The following SPHKAP variants were observed in gnomAD, a reference collection of about 807,000 sequenced individuals.
SPHKAP encodes A-kinase anchor protein SPHKAP.
SPHKAP carries 67 observed loss-of-function variants against 137.5 expected under a neutral mutation model. That is an observed-to-expected ratio of 0.49 (90% CI 0.40 to 0.60). SPHKAP has a LOEUF of 0.60. SPHKAP is among the 20% of genes least tolerant of loss of function. The probability of loss-of-function intolerance (pLI) is 0.00; values close to 1 mark genes in which losing one functional copy is unlikely to be tolerated. For missense variants in SPHKAP, 2,097 were observed against 2,069.3 expected (o/e 1.01, Z -0.26); for synonymous variants, 813 against 785.3 (o/e 1.04, Z -0.59).
intron 7 of SPHKAP, among the ~76,000 whole-genome samples, chr2:228,010,053 C>T (rs562286498): frequency 2.4e-4 from 36 of 152,250 alleles, no homozygotes; most frequent in African/African-American, 7.5e-4. Context: ...GTCTCCTCAC[C>T]TCATTGTGCC....
At chr2:228,176,936 A>T (rs553537493) in intron 1 of SPHKAP, among the ~76,000 whole-genome samples, 1 of 152,178 alleles carries the variant, frequency 6.6e-6, no homozygotes, top group East Asian at 1.9e-4. Flanking sequence ...ACAATACATC[A>T]CTGTTTCCTC....
chr2:228,002,558 G>A (rs1359562553), intron 7 of SPHKAP, among the ~76,000 whole-genome samples: 1 of 152,170 alleles, frequency 6.6e-6, no homozygotes, highest in Non-Finnish European at 1.5e-5. Flanking sequence ...CTGTGCAGAA[G>A]CTCTTTAGTT....
intron 3 of SPHKAP, among the ~76,000 whole-genome samples, chr2:228,082,788 C>T (rs555200601): frequency 5.3e-5 from 8 of 152,284 alleles, no homozygotes; most frequent in African/African-American, 1.9e-4. Flanking sequence ...ATACTCTTTA[C>T]CCCTCAGAGA....
chr2:228,157,098 C>T (rs1345797648), intron 1 of SPHKAP, among the ~76,000 whole-genome samples: 1 of 151,784 alleles, frequency 6.6e-6, no homozygotes, highest in Non-Finnish European at 1.5e-5. Context: ...GACAGAAAAG[C>T]AATAAAATAA....
intron 7 of SPHKAP, among the ~76,000 whole-genome samples, chr2:228,011,254 C>A (rs1301656053): frequency 1.4e-5 from 2 of 147,500 alleles, no homozygotes; most frequent in Non-Finnish European, 3.0e-5. Flanking sequence ...TTAATCAGTT[C>A]ACTCTTCTGG....
chr2:228,038,025 G>A (rs1695695525), intron 3 of SPHKAP, among the ~76,000 whole-genome samples: 1 of 152,218 alleles, frequency 6.6e-6, no homozygotes, highest in African/African-American at 2.4e-5. Context: ...GGAGTGGTGA[G>A]CCTGGATTAG....
intron 5 of SPHKAP, among the ~76,000 whole-genome samples, chr2:228,022,604 G>T (rs937831567): frequency 6.6e-6 from 1 of 152,172 alleles, no homozygotes; most frequent in Non-Finnish European, 1.5e-5. Flanking sequence ...TGGGTATAAA[G>T]CTGGCAAGAG....
rs116307104 is a variant in SPHKAP at position 228,073,261 on chromosome 2, C to G, written c.246+35571G>C. Among the ~76,000 whole-genome samples the G allele has an allele frequency of 3.6e-3, 553 of 152,262 alleles. 4 individuals carry two copies. Among genetic ancestry groups the G allele is most frequent in the African/African-American group, 0.013 (534 of 41,534 alleles). On this transcript the variant is annotated intron_variant, in intron 3 of 11. Coordinates refer to ENST00000392056, the MANE Select transcript of SPHKAP (RefSeq NM_001142644.2). ...GGCATGGAATGCCACATATGAATTA[C>G]AGAATTAGGATAAGGGCTTCAAATT...
intron 4 of SPHKAP, among the ~76,000 whole-genome samples, chr2:228,026,476 A>G (rs1049471942): frequency 2.6e-5 from 4 of 152,188 alleles, no homozygotes; most frequent in African/African-American, 9.6e-5. Context: ...CCTCAGGACC[A>G]GGCCCAGTAA....
At chr2:228,109,005 C>T in intron 2 of SPHKAP, 66 bp from the exon 3 acceptor site, 1 of 974,088 alleles carries the variant, frequency 1.0e-6, no homozygotes, top group Non-Finnish European at 1.4e-6. Flanking sequence ...GCAGCTCTCT[C>T]TCTTTTTTTT....
chr2:227,984,617 T>C (rs768213127), intron 11 of SPHKAP, among the ~76,000 whole-genome samples: 1 of 152,198 alleles, frequency 6.6e-6, no homozygotes, highest in Non-Finnish European at 1.5e-5. Flanking sequence ...GGCTTCGGAA[T>C]AGCGGTCTTG....
intron 5 of SPHKAP, among the ~76,000 whole-genome samples, chr2:228,022,588 C>T (rs1694882961): frequency 6.6e-6 from 1 of 152,100 alleles, no homozygotes; most frequent in Non-Finnish European, 1.5e-5. Context: ...TTGAGAAAGA[C>T]ATTTCTGGGT....
chr2:228,139,675 A>T (rs983008527), intron 1 of SPHKAP, among the ~76,000 whole-genome samples: 17 of 152,318 alleles, frequency 1.1e-4, no homozygotes, highest in African/African-American at 3.4e-4. Flanking sequence ...GAGCATGATA[A>T]CTTAGCCTTT....
chr2:228,065,136 C>T (rs1007674696), intron 3 of SPHKAP, among the ~76,000 whole-genome samples: 2 of 152,188 alleles, frequency 1.3e-5, no homozygotes, highest in East Asian at 3.9e-4. Context: ...CCAGCTATGT[C>T]ACTGCTGTGC....
chr2:228,076,888 T>A (rs1390947399), intron 3 of SPHKAP, among the ~76,000 whole-genome samples: 1 of 152,100 alleles, frequency 6.6e-6, no homozygotes, highest in Non-Finnish European at 1.5e-5. Context: ...TATGCAGCAG[T>A]CCCTCCTATC....
intron 3 of SPHKAP, 101 bp from the exon 4 acceptor site, chr2:228,027,644 C>T: frequency 8.7e-7 from 1 of 1,143,448 alleles, no homozygotes. Flanking sequence ...CTTTGGGAGT[C>T]TTCCACATCT....
intron 1 of SPHKAP, among the ~76,000 whole-genome samples, chr2:228,175,033 A>T (rs1366804481): frequency 6.6e-6 from 1 of 151,804 alleles, no homozygotes; most frequent in African/African-American, 2.4e-5. Context: ...AAAAAGGAAA[A>T]ATAAAGGAAA....
chr2:228,035,728 C>T (rs1280844500), intron 3 of SPHKAP, among the ~76,000 whole-genome samples: 2 of 152,120 alleles, frequency 1.3e-5, no homozygotes, highest in East Asian at 3.8e-4. Flanking sequence ...AATAATGCCA[C>T]ATATCTACAA....
intron 3 of SPHKAP, among the ~76,000 whole-genome samples, chr2:228,106,292 G>A (rs192818351): frequency 6.6e-6 from 1 of 152,280 alleles, no homozygotes; most frequent in African/African-American, 2.4e-5. Flanking sequence ...GTTCATTACA[G>A]TGAATACCAA....
Sources: allele counts gnomAD v4.1 joint callset (sites outside exome capture counted in the v4.1 genomes callset), GRCh38; gene constraint gnomAD v4.1.1; transcripts MANE v1.5; gene names NCBI Gene and HGNC (gene_info 2026-07-23, HGNC 2026-07-21).